Variants in TICRR observed in about 807,000 individuals in gnomAD.
The protein encoded by TICRR is treslin.
TICRR carries 132 observed loss-of-function variants against 178.1 expected under a neutral mutation model. The observed-to-expected ratio is 0.74, with a 90% CI of 0.64 to 0.86. The LOEUF (loss-of-function observed/expected upper bound fraction) is 0.86. Among genes scored for constraint, TICRR ranks in the 40% least tolerant of loss-of-function variants. The pLI, the probability that TICRR is intolerant of heterozygous loss-of-function variation, is 0.00. For synonymous variants in TICRR, 991 were observed against 900.7 expected, an observed-to-expected ratio of 1.10 and a Z score of -1.79; for missense variants, 2,587 against 2,334.3, an observed-to-expected ratio of 1.11 and a Z score of -2.23.
In TICRR at chr15:89,610,116, T is replaced by C. The variant is rs564601110; in HGVS notation, c.2869+1167T>C. On this transcript the variant is annotated intron_variant, in intron 15 of 21. Transcript: ENST00000268138. ...ACATACATTGTATGATTTCAGTCTT[T>C]TGAAACTTGAGACTTATTTTGTGGC... 2.6e-5 allele frequency among the ~76,000 whole-genome samples: 4 copies of C among 152,374 alleles called. No individual in the cohort carries two copies. In the South Asian group the frequency reaches 8.3e-4, roughly 32 times the overall value.
chr15:89,608,743 G>A lies in TICRR; in HGVS notation c.2723-60G>A, dbSNP rs561684039. 1,055 of 1,430,334 alleles carry A rather than the reference G, an allele frequency of 7.4e-4. 1 individual carries two copies. Among genetic ancestry groups the A allele is most frequent in the Admixed American group, 8.6e-4 (34 of 39,594 alleles). The allele number at this position is 1,430,334 out of a possible 1,614,324, so 88.6% of individuals were successfully genotyped here. The stretch of plus-strand genomic sequence containing the variant: ...GTTTTGGTTATCTTTTCTCAGATAC[G>A]GCATTTATTGATGATAATCTTTGGG... On this transcript the variant is annotated intron_variant, in intron 14 of 21. Coordinates refer to ENST00000268138, the MANE Select transcript of TICRR (RefSeq NM_152259.4).
intron 18 of TICRR, among the ~76,000 whole-genome samples, chr15:89,621,130 C>T (rs1340065766): frequency 1.3e-5 from 2 of 152,126 alleles, no homozygotes; most frequent in African/African-American, 4.8e-5. Context: ...AGCAATTCTT[C>T]TGCCTCAGCC....
chr15:89,582,552 C>A, intron 1 of TICRR, 134 bp from the exon 2 acceptor site: 1 of 793,498 alleles, frequency 1.3e-6, no homozygotes, highest in Non-Finnish European at 2.0e-6. Flanking sequence ...TTCTATTTAG[C>A]TCAGCAAATA....
In TICRR at chr15:89,625,465, G is replaced by C; in HGVS notation, c.5155G>C (p.Glu1719Gln). ...TGGGAGCCTGTCACTGCTTGAGTCAGAGGGCAAGGACCACGGCCTTGAACT... is the reference window on the plus strand; with the variant it reads ...TGGGAGCCTGTCACTGCTTGAGTCACAGGGCAAGGACCACGGCCTTGAACT... ...LPGSLSLLES[E>Q]GKDHGLELSI... Residue 1719 changes from glutamate to glutamine, a missense_variant, in exon 20 of 22, where the codon GAG becomes CAG. By Grantham distance (29) the Glu-to-Gln change is conservative. Transcript: ENST00000268138. The C allele has an allele frequency of 6.2e-7, 1 of 1,613,942 alleles. No homozygotes were observed. Among genetic ancestry groups the C allele is most frequent in the South Asian group, 1.1e-5 (1 of 91,070 alleles).
chr15:89,593,151 G>A (rs1439316679), intron 5 of TICRR, among the ~76,000 whole-genome samples: 2 of 151,950 alleles, frequency 1.3e-5, no homozygotes, highest in African/African-American at 2.4e-5. Flanking sequence ...CAGTTTCCAC[G>A]CACACAAACA....
At chr15:89,588,954 A>AGG (rs1962866174) in intron 4 of TICRR, among the ~76,000 whole-genome samples, 1 of 152,146 alleles carries the variant, frequency 6.6e-6, no homozygotes, top group African/African-American at 2.4e-5. Context: ...GGAGGATACC[A>AGG]GCCCACCTCA....
At chr15:89,581,898 C>T (rs138838545) in intron 1 of TICRR, among the ~76,000 whole-genome samples, 355 of 152,206 alleles carry the variant, frequency 2.3e-3, no homozygotes, top group African/African-American at 7.7e-3. Context: ...CACGAGGCCT[C>T]GGTTTGTCTC....
intron 15 of TICRR, among the ~76,000 whole-genome samples, chr15:89,611,002 A>C (rs1023287361): frequency 3.3e-5 from 5 of 151,786 alleles, no homozygotes; most frequent in African/African-American, 1.2e-4. Flanking sequence ...TGTAGACTGC[A>C]TCTTTATACA....
chr15:89,605,159 T>C (rs1391901993), intron 13 of TICRR, among the ~76,000 whole-genome samples: 1 of 152,240 alleles, frequency 6.6e-6, no homozygotes, highest in Non-Finnish European at 1.5e-5. Context: ...GGCCAGATAG[T>C]AGATGTTTTA....
rs964650930 is a variant in TICRR at position 89,600,637 on chromosome 15, T to C, written c.2105T>C (p.Leu702Pro). The C allele has an allele frequency of 3.1e-6, 5 of 1,598,606 alleles. No individual in the cohort carries two copies. The highest frequency in any genetic ancestry group is 4.3e-6 in the Non-Finnish European group (5 of 1,172,840). Reference protein sequence around the residue: ...KSSLLKTSKSLRQNLGKKLDK... With the variant: ...KSSLLKTSKSPRQNLGKKLDK... ...AGTCTCTTAAAAACTAGTAAAAGTCTTCGACAGAATCTAGGAAAAAAACTG... is the reference window on the plus strand; with the variant it reads ...AGTCTCTTAAAAACTAGTAAAAGTCCTCGACAGAATCTAGGAAAAAAACTG... The change falls in exon 9 of 22, where the codon CTT becomes CCT. Residue 702 changes from leucine to proline, a missense_variant. Physicochemically the swap from Leu to Pro is moderately conservative, Grantham distance 98. Transcript: ENST00000268138.
At chr15:89,600,870 C>T (rs556563917) in intron 9 of TICRR, among the ~76,000 whole-genome samples, 185 bp downstream of exon 9, 23 of 152,068 alleles carry the variant, frequency 1.5e-4, no homozygotes, top group Middle Eastern at 3.4e-3. Context: ...TATAGTGAGA[C>T]CGTGTCTACC....
rs1019468900 is a variant in TICRR, at chr15:89,575,619, G to T, written c.33G>T (p.Leu11=). 2 of 1,536,142 alleles carry T rather than the reference G, an allele frequency of 1.3e-6. No homozygotes were observed. The highest frequency in any genetic ancestry group is 2.8e-5 in the African/African-American group (2 of 72,276). The change falls in exon 1 of 22, where the codon CTG becomes CTT. Residue 11 remains leucine (L), a synonymous_variant. Transcript: ENST00000268138. ...GCTGTCACAAAGTAATGCTGCTGCT[G>T]GACACCGCGGGCGGCGCCGCCCGCC... MACCHKVMLL[L]DTAGGAARHS...
In TICRR at chr15:89,624,162, A is replaced by G; in HGVS notation, c.3852A>G (p.Leu1284=). 1 of 1,614,052 alleles carries G rather than the reference A, an allele frequency of 6.2e-7. No homozygotes were observed. Among genetic ancestry groups the G allele is most frequent in the Non-Finnish European group, 8.5e-7 (1 of 1,180,026 alleles). The change falls in exon 20 of 22, where the codon CTA becomes CTG. Residue 1284 remains leucine (L), a synonymous_variant. Transcript: ENST00000268138. ...AARAEEPAQK[L]KDKAIKTPKR... ...GGGCAGAGGAACCAGCCCAGAAACT[A>G]AAGGATAAAGCTATCAAAACTCCAA...
chr15:89,627,197 T>C lies in TICRR; in HGVS notation c.*111T>C. On this transcript the variant is annotated 3_prime_UTR_variant, in exon 22 of 22. Transcript: ENST00000268138. ...CTTTTGCCATGGTCAGTGTTCAGAT[T>C]GCCATTAGAATGCCTTAGGGTTTTC... 1 of 1,377,580 alleles carries C rather than the reference T, an allele frequency of 7.3e-7. No homozygotes were observed. Among genetic ancestry groups the C allele is most frequent in the East Asian group, 2.3e-5 (1 of 43,390 alleles). 85.3% of individuals were successfully genotyped at this position (1,377,580 alleles called of 1,614,324 possible).
intron 15 of TICRR, among the ~76,000 whole-genome samples, chr15:89,610,823 G>A (rs1024361327): frequency 2.0e-5 from 3 of 150,402 alleles, no homozygotes; most frequent in Non-Finnish European, 3.0e-5. Context: ...TTCTTTTTCT[G>A]TGTATTTTTA....
rs985760850 is a variant in TICRR, at chr15:89,594,850, A to G, written c.1681+296A>G. Among the ~76,000 whole-genome samples, 4 of 152,118 alleles carry G rather than the reference A, an allele frequency of 2.6e-5. No homozygotes were observed. The South Asian group carries it at 8.3e-4, about 31-fold the overall frequency. ...TTGCTACCTTGCCTTTTTAGATATT[A>G]TTCCATCTCATTGCTTAACTAAATT... On this transcript the variant is annotated intron_variant, in intron 6 of 21. Transcript: ENST00000268138.
intron 1 of TICRR, among the ~76,000 whole-genome samples, chr15:89,581,523 A>C (rs1347594467): frequency 6.6e-6 from 1 of 152,226 alleles, no homozygotes; most frequent in Non-Finnish European, 1.5e-5. Context: ...AAGCGTAATA[A>C]CCATTCAGTT....
At chr15:89,625,887 C>T (rs1272088210) in intron 20 of TICRR, 49 bp from the exon 21 acceptor site, 3 of 1,542,832 alleles carry the variant, frequency 1.9e-6, no homozygotes, top group East Asian at 4.5e-5. Context: ...CCTGGGCTTC[C>T]CGGTTGGGGG....
intron 6 of TICRR, 114 bp from the exon 7 acceptor site, chr15:89,595,279 G>T: frequency 1.4e-6 from 1 of 738,900 alleles, no homozygotes; most frequent in East Asian, 2.6e-5. Flanking sequence ...AAATCATTCT[G>T]GAGGGATATG....
Sources: gnomAD v4.1 joint callset for allele counts (sites outside exome capture counted in the v4.1 genomes callset) on GRCh38, gnomAD v4.1.1 for gene constraint, MANE v1.5 for transcripts, NCBI Gene and HGNC (gene_info 2026-07-23, HGNC 2026-07-21) for gene names.